Variants in TACC2 observed in about 807,000 individuals in gnomAD.
TACC2 encodes transforming acidic coiled-coil containing protein 2, also known as transforming acidic coiled-coil-containing protein 2.
TACC2 carries 137 observed loss-of-function variants against 227.3 expected under a neutral mutation model. That is an observed-to-expected ratio of 0.60 (90% CI 0.52 to 0.69). The LOEUF (loss-of-function observed/expected upper bound fraction) is 0.69. Among genes scored for constraint, TACC2 ranks in the 30% least tolerant of loss-of-function variants. The pLI, the probability that TACC2 is intolerant of heterozygous loss-of-function variation, is 0.00. For missense variants in TACC2, 3,470 were observed against 3,694.4 expected (o/e 0.94, Z 1.57); for synonymous variants, 1,523 against 1,487.5 (o/e 1.02, Z -0.55).
intron 5 of TACC2, among the ~76,000 whole-genome samples, chr10:122,120,463 G>A (rs558431094): frequency 6.6e-6 from 1 of 152,278 alleles, no homozygotes; most frequent in African/African-American, 2.4e-5. Context: ...GCCACCGCGG[G>A]TGCCCTGGCT....
In TACC2 at chr10:122,084,336, A is replaced by G; in HGVS notation, c.1836A>G (p.Lys612=). 6.2e-7 allele frequency: 1 copy of G among 1,613,854 alleles called. No homozygotes were observed. Among genetic ancestry groups the G allele is most frequent in the Non-Finnish European group, 8.5e-7 (1 of 1,180,040 alleles). Reference sequence around the variant, plus strand: ...GCAAGCGTGATCCAGAAGTAGGCAAAGATGAGCTTTCAAAGCCAAGCAGTG... The same window carrying G: ...GCAAGCGTGATCCAGAAGTAGGCAAGGATGAGCTTTCAAAGCCAAGCAGTG... ...FSSKRDPEVG[K]DELSKPSSDA... is the part of the protein sequence containing the mutation. The change falls in exon 4 of 23, where the codon AAA becomes AAG. Residue 612 remains lysine, a synonymous_variant. Transcript: ENST00000369005.
At chr10:122,250,183 C>T (rs2096225596) in intron 22 of TACC2, among the ~76,000 whole-genome samples, 1 of 152,232 alleles carries the variant, frequency 6.6e-6, no homozygotes, top group African/African-American at 2.4e-5. Context: ...CCTCCATCCA[C>T]TGTGAGCACT....
intron 1 of TACC2, among the ~76,000 whole-genome samples, chr10:122,002,515 C>T (rs1035211550): frequency 6.6e-6 from 1 of 152,040 alleles, no homozygotes; most frequent in African/African-American, 2.4e-5. Flanking sequence ...TGTTCTTCTG[C>T]CTTTAAAATG....
At chr10:122,135,658 T>C (rs1182556264) in intron 6 of TACC2, among the ~76,000 whole-genome samples, 1 of 151,996 alleles carries the variant, frequency 6.6e-6, no homozygotes, top group Non-Finnish European at 1.5e-5. Flanking sequence ...CAGTCGATCC[T>C]CGTTGGCAGA....
intron 9 of TACC2, among the ~76,000 whole-genome samples, chr10:122,212,623 G>T (rs1241671039): frequency 6.6e-6 from 1 of 152,216 alleles, no homozygotes; most frequent in African/African-American, 2.4e-5. Context: ...AGACCACAGC[G>T]CTGGCCCCTC....
In TACC2 at chr10:122,084,762, C is replaced by T. The variant is rs1341925893; in HGVS notation, c.2262C>T (p.Gly754=). The T allele has an allele frequency of 2.2e-5, 35 of 1,613,594 alleles. No homozygotes were observed. The highest frequency in any genetic ancestry group is 3.0e-5 in the Non-Finnish European group (35 of 1,180,026). ...IRKMGSCDGE[G]LLTSPDQPRG... Reference sequence around the variant, plus strand: ...AGATGGGCAGCTGTGATGGGGAGGGCTTGCTGACGTCCCCAGATCAACCCC... The same window carrying T: ...AGATGGGCAGCTGTGATGGGGAGGGTTTGCTGACGTCCCCAGATCAACCCC... Residue 754 remains glycine, a synonymous_variant, in exon 4 of 23, where the codon GGC becomes GGT. Coordinates refer to ENST00000369005, the MANE Select transcript of TACC2 (RefSeq NM_206862.4).
At chr10:122,219,157 C>T (rs1253522061) in intron 11 of TACC2, among the ~76,000 whole-genome samples, 2 of 152,158 alleles carry the variant, frequency 1.3e-5, no homozygotes, top group Admixed American at 1.3e-4. Context: ...CCGGAACACC[C>T]CTCACTCAGC....
At chr10:122,212,028 AG>A (rs1202926121) in intron 9 of TACC2, among the ~76,000 whole-genome samples, 1 of 152,258 alleles carries the variant, frequency 6.6e-6, no homozygotes, top group African/African-American at 2.4e-5. Flanking sequence ...ATCCCATGGA[AG>A]GGGAAAGGTC....
At chr10:122,099,048 G>A (rs540961075) in intron 5 of TACC2, among the ~76,000 whole-genome samples, 1 of 152,296 alleles carries the variant, frequency 6.6e-6, no homozygotes, top group African/African-American at 2.4e-5. Flanking sequence ...CCTGTGTGGT[G>A]AGCCTGGCTG....
chr10:122,180,808 C>T lies in TACC2; in HGVS notation c.5835-14232C>T, dbSNP rs1455603391. 2.0e-5 allele frequency among the ~76,000 whole-genome samples: 3 copies of T among 152,014 alleles called. No homozygotes were observed. Among genetic ancestry groups the T allele is most frequent in the South Asian group, 2.1e-4 (1 of 4,816 alleles). On this transcript the variant is annotated intron_variant, in intron 7 of 22. Transcript: ENST00000369005. This position sits in a 1 kb window ranked among gnomAD's most constrained non-coding sequence, Gnocchi z 4.5. ...TGGATGGAGTGCAATGGCGCAGTCT[C>T]GGCTCACTGCAAACCTCTGCCTCCC...
chr10:122,083,682 C>T lies in TACC2; in HGVS notation c.1182C>T (p.Gly394=), dbSNP rs368657688. 76 of 1,612,136 alleles carry T rather than the reference C, an allele frequency of 4.7e-5. No individual in the cohort carries two copies. In the African/African-American group the frequency reaches 6.9e-4, roughly 15 times the overall value. The change falls in exon 4 of 23, where the codon GGC becomes GGT. Residue 394 remains glycine, a synonymous_variant. Transcript: ENST00000369005. ...ATCAAGTTGTCTGTGTGGCAGCAGG[C>T]GGCCAGCCCGAAGGGGGTTTGCCTG... ...KPNQVVCVAA[G]GQPEGGLPVS... is the part of the protein sequence containing the mutation.
intron 5 of TACC2, among the ~76,000 whole-genome samples, chr10:122,122,131 G>A (rs1388020694): frequency 6.6e-6 from 1 of 152,198 alleles, no homozygotes; most frequent in Non-Finnish European, 1.5e-5. Context: ...CGAGGCGGGT[G>A]GATCACGAGG....
intron 5 of TACC2, among the ~76,000 whole-genome samples, chr10:122,125,227 CTT>C (rs757922466): frequency 9.9e-5 from 15 of 152,122 alleles, no homozygotes; most frequent in Non-Finnish European, 2.1e-4. Flanking sequence ...CAGGGTCTCA[CTT>C]TTGTTGCTCA....
At chr10:122,155,432 T>TA (rs2139625565) in intron 7 of TACC2, among the ~76,000 whole-genome samples, 1 of 152,360 alleles carries the variant, frequency 6.6e-6, no homozygotes, top group South Asian at 2.1e-4. Flanking sequence ...CAAACCTCTT[T>TA]AAACAAGAAC....
At chr10:122,027,207 A>G (rs375908731) in intron 2 of TACC2, among the ~76,000 whole-genome samples, 27 of 152,370 alleles carry the variant, frequency 1.8e-4, no homozygotes, top group African/African-American at 6.5e-4. Context: ...CTGTTGACAT[A>G]GGATGTGGAA....
chr10:122,196,943 A>C (rs561845707), intron 8 of TACC2, among the ~76,000 whole-genome samples: 2 of 149,774 alleles, frequency 1.3e-5, no homozygotes, highest in Non-Finnish European at 3.0e-5. Context: ...CAAAAAAAAA[A>C]AAAAAAAACA....
chr10:122,201,208 T>C (rs12778575), intron 8 of TACC2, among the ~76,000 whole-genome samples: 2,643 of 48,716 alleles, frequency 0.054, no homozygotes, highest in Middle Eastern at 0.069. Flanking sequence ...AGTGAGAGGA[T>C]GGCCACCTCA....
intron 6 of TACC2, among the ~76,000 whole-genome samples, chr10:122,133,478 C>T (rs1032964631): frequency 2.6e-5 from 4 of 152,188 alleles, no homozygotes; most frequent in African/African-American, 9.7e-5. Context: ...CATGTCTCTC[C>T]ATACACACAT....
At chr10:122,146,841 A>G (rs2091436634) in intron 7 of TACC2, among the ~76,000 whole-genome samples, 1 of 151,964 alleles carries the variant, frequency 6.6e-6, no homozygotes, top group Non-Finnish European at 1.5e-5. Flanking sequence ...CCACATTTCC[A>G]TTTTGTTTCT....
Sources: gnomAD v4.1 joint callset for allele counts (sites outside exome capture counted in the v4.1 genomes callset) on GRCh38, gnomAD v4.1.1 for gene constraint, Gnocchi (gnomAD v3.1) non-coding constraint, MANE v1.5 for transcripts, NCBI Gene and HGNC (gene_info 2026-07-23, HGNC 2026-07-21) for gene names.